Variants in PRDM15 observed in about 807,000 individuals in gnomAD.
The protein encoded by PRDM15 is PR/SET domain 15.
Under a neutral mutation model 128.6 loss-of-function variants are expected in PRDM15, and 64 were observed. The observed-to-expected ratio is 0.50, with a 90% CI of 0.41 to 0.61. The LOEUF (loss-of-function observed/expected upper bound fraction) is 0.61. PRDM15 is among the 20% of genes least tolerant of loss of function. PRDM15 has a pLI of 0.00. For missense variants in PRDM15, 1,242 were observed against 1,569.1 expected, an observed-to-expected ratio of 0.79 and a Z score of 3.52; for synonymous variants, 615 against 621.8, an observed-to-expected ratio of 0.99 and a Z score of 0.16.
Position 41,802,801 on chromosome 21 carries a change from C to T in PRDM15, c.2854G>A (p.Ala952Thr), listed in dbSNP as rs780967927. 1.7e-5 allele frequency: 27 copies of T among 1,614,072 alleles called. No homozygotes were observed. The highest frequency in any genetic ancestry group is 8.3e-5 in the Admixed American group (5 of 60,008). Residue 952 changes from alanine (A) to threonine (T), a missense_variant, in exon 23 of 24, where the codon GCC becomes ACC. Physicochemically the swap from Ala to Thr is moderately conservative, Grantham distance 58. Coordinates refer to ENST00000398548, the MANE Select transcript of PRDM15 (RefSeq NM_001040424.3). ...TTCTCTGAGTATTCGCTGAAGGTGG[C>T]GTCCTCGGGCACCGGAGCACCCGCC... ...EEAGAPVPED[A>T]TFSEYSEKET...
intron 19 of PRDM15, chr21:41,814,781 CTCA>C (rs1249085366): frequency 6.8e-6 from 1 of 147,104 alleles, no homozygotes; most frequent in Non-Finnish European, 1.5e-5. Context: ...ATGAGAATGC[CTCA>C]TGTTAGTGAT....
At position 41,810,067 on chromosome 21, in the gene PRDM15, A is replaced by G. The variant is rs561908105; in HGVS notation, c.2652+87T>C. On this transcript the variant is annotated intron_variant, in intron 21 of 23. Coordinates refer to ENST00000398548, the MANE Select transcript of PRDM15 (RefSeq NM_001040424.3). This position sits in a 1 kb window ranked among gnomAD's most constrained non-coding sequence, Gnocchi z 6.4. The stretch of plus-strand genomic sequence containing the variant: ...CCTGCCTCCAGTACTGGGGGTCTGC[A>G]GAGGGAGGTGGGCCATGTGCCAGCA... 49 of 1,355,906 alleles carry G rather than the reference A, an allele frequency of 3.6e-5. No homozygotes were observed. The East Asian group carries it at 1.1e-3, about 32-fold the overall frequency. The allele number at this position is 1,355,906 out of a possible 1,614,324, so 84.0% of individuals were successfully genotyped here.
At chr21:41,815,243 C>T (rs1232311151) in intron 19 of PRDM15, among the ~76,000 whole-genome samples, 1 of 152,238 alleles carries the variant, frequency 6.6e-6, no homozygotes, top group Non-Finnish European at 1.5e-5. Flanking sequence ...CAGCGTAGTA[C>T]ACACATCACC....
At position 41,859,053 on chromosome 21, in the gene PRDM15, A is replaced by C. The variant is rs775314288; in HGVS notation, c.131+539T>G. The stretch of plus-strand genomic sequence containing the variant: ...CACCTGCCCTGGGCCACCAGGTGGC[A>C]CAGCCTCCCCCAGGTGAGGGTGGAA... On this transcript the variant is annotated intron_variant, in intron 3 of 23. Transcript: ENST00000398548. This position sits in a 1 kb window ranked among gnomAD's most constrained non-coding sequence, Gnocchi z 5.3. The C allele has an allele frequency of 3.8e-6, 6 of 1,566,706 alleles. No homozygotes were observed. In the East Asian group the frequency reaches 1.4e-4, roughly 37 times the overall value.
Position 41,800,711 on chromosome 21 carries a change from G to C in PRDM15, c.*529C>G, listed in dbSNP as rs1402647176. 2 of 152,656 alleles carry C rather than the reference G, an allele frequency of 1.3e-5. No individual in the cohort carries two copies. The highest frequency in any genetic ancestry group is 2.4e-5 in the African/African-American group (1 of 41,442). 9.5% of individuals were successfully genotyped at this position (152,656 alleles called of 1,614,324 possible). The stretch of plus-strand genomic sequence containing the variant: ...GAACCGACTCCACTCCTAGTTCAAA[G>C]AGAATACACGTTACTTTAACTTCTA... On this transcript the variant is annotated 3_prime_UTR_variant, in exon 24 of 24. Coordinates refer to ENST00000398548, the MANE Select transcript of PRDM15 (RefSeq NM_001040424.3).
chr21:41,808,157 G>A (rs1048144543), intron 21 of PRDM15, among the ~76,000 whole-genome samples: 1 of 152,186 alleles, frequency 6.6e-6, no homozygotes, highest in African/African-American at 2.4e-5. Flanking sequence ...CCGCTCAAAC[G>A]CCAGCCTTGC....
At chr21:41,851,343 C>A (rs1262777615) in intron 5 of PRDM15, among the ~76,000 whole-genome samples, 1 of 152,360 alleles carries the variant, frequency 6.6e-6, no homozygotes, top group South Asian at 2.1e-4. Flanking sequence ...TCGAGATACT[C>A]ATTTCTGAGA....
intron 1 of PRDM15, chr21:41,877,212 TC>T: frequency 6.7e-6 from 1 of 150,244 alleles, no homozygotes; most frequent in Non-Finnish European, 1.5e-5. Context: ...AAGTGCCCCA[TC>T]CCCTGCCCGC....
chr21:41,823,124 A>G, intron 14 of PRDM15, 194 bp downstream of exon 14: 1 of 706,378 alleles, frequency 1.4e-6, no homozygotes, highest in South Asian at 1.5e-5. Context: ...GGCGCCGTCT[A>G]CGAACCAGGA....
chr21:41,828,971 AC>A lies in PRDM15; in HGVS notation c.1367-639del, dbSNP rs2062577029. Among the ~76,000 whole-genome samples the A allele has an allele frequency of 2.9e-5, 4 of 139,712 alleles. No individual in the cohort carries two copies. Among genetic ancestry groups the A allele is most frequent in the Admixed American group, 2.1e-4 (3 of 14,394 alleles). The allele number at this position is 139,712 out of a possible 152,430, so 91.7% of individuals were successfully genotyped here. A position where few individuals can be genotyped will look rare whatever the true frequency, so the allele number is the denominator to read the frequency against. On this transcript the variant is annotated intron_variant, in intron 11 of 23. Transcript: ENST00000398548. The surrounding 1 kb of genome is among the most constrained non-coding windows in gnomAD (Gnocchi z 5.7). ...ACAATCACACACACCACATACACACACCACGCACACATGCCCCACACAAATA... is the reference window on the plus strand; with the variant it reads ...ACAATCACACACACCACATACACACACACGCACACATGCCCCACACAAATA...
At chr21:41,830,469 C>A (rs1048210107) in intron 11 of PRDM15, among the ~76,000 whole-genome samples, 2,832 of 151,230 alleles carry the variant, frequency 0.019, 42 homozygotes, top group Non-Finnish European at 0.024. Flanking sequence ...CACACATACA[C>A]CACACACACA....
intron 1 of PRDM15, chr21:41,878,606 C>T (rs62214725): frequency 0.27 from 186,887 of 688,144 alleles, 27,510 homozygotes; most frequent in South Asian, 0.3. Flanking sequence ...GGTAGGCACG[C>T]GTCACCTGTC....
chr21:41,836,427 T>C (rs774148274), intron 9 of PRDM15, 41 bp downstream of exon 9: 3 of 1,582,034 alleles, frequency 1.9e-6, no homozygotes, highest in African/African-American at 1.3e-5. Context: ...GCCCCAGTCC[T>C]GGCCCTGGCC....
chr21:41,878,593 C>A, intron 1 of PRDM15: 1 of 620,586 alleles, frequency 1.6e-6, no homozygotes, highest in South Asian at 2.4e-5. Context: ...GCCACCCACC[C>A]CGGGTAGGCA....
intron 3 of PRDM15, among the ~76,000 whole-genome samples, chr21:41,858,322 C>T (rs936516861): frequency 6.6e-6 from 1 of 151,992 alleles, no homozygotes; most frequent in Non-Finnish European, 1.5e-5. Context: ...CGGACAGAGG[C>T]GGACATTGGG....
chr21:41,803,495 T>C (rs2061472676), intron 22 of PRDM15, among the ~76,000 whole-genome samples: 1 of 152,194 alleles, frequency 6.6e-6, no homozygotes, highest in Non-Finnish European at 1.5e-5. Context: ...CTCACCAGGC[T>C]CGCTCAGGCT....
At chr21:41,848,639 G>A (rs933690939) in intron 5 of PRDM15, among the ~76,000 whole-genome samples, 1 of 152,152 alleles carries the variant, frequency 6.6e-6, no homozygotes, top group Non-Finnish European at 1.5e-5. Context: ...AGAGGACAAG[G>A]GCCCAGGTTA....
chr21:41,843,904 A>G (rs1307206804), intron 6 of PRDM15, among the ~76,000 whole-genome samples: 1 of 150,992 alleles, frequency 6.6e-6, no homozygotes, highest in Non-Finnish European at 1.5e-5. Context: ...AGCTAAGATC[A>G]CACCATCGCA....
chr21:41,803,213 G>C, intron 22 of PRDM15: 3 of 437,658 alleles, frequency 6.9e-6, no homozygotes, highest in Non-Finnish European at 1.3e-5. Context: ...TTAAGCCACT[G>C]GGTATTTCCA....
Sources: allele counts gnomAD v4.1 joint callset (sites outside exome capture counted in the v4.1 genomes callset), GRCh38; gene constraint gnomAD v4.1.1; non-coding constraint Gnocchi (gnomAD v3.1); transcripts MANE v1.5; gene names NCBI Gene and HGNC (gene_info 2026-07-23, HGNC 2026-07-21).